ZBTB49: variants seen among roughly 807,000 people sequenced by gnomAD.
ZBTB49 encodes zinc finger and BTB domain containing 49.
ZBTB49 carries 43 observed loss-of-function variants against 57.5 expected under a neutral mutation model. The observed-to-expected ratio is 0.75, with a 90% CI of 0.59 to 0.97. ZBTB49 has a LOEUF of 0.97. ZBTB49 is among the 50% of genes least tolerant of loss of function. ZBTB49 has a pLI of 0.00. For synonymous variants in ZBTB49, 369 were observed against 362.1 expected, an observed-to-expected ratio of 1.02 and a Z score of -0.22; for missense variants, 938 against 947.7, an observed-to-expected ratio of 0.99 and a Z score of 0.13.
intron 4 of ZBTB49, among the ~76,000 whole-genome samples, chr4:4,311,580 C>A (rs1168319223): frequency 2.0e-5 from 3 of 152,180 alleles, no homozygotes; most frequent in Non-Finnish European, 4.4e-5. Context: ...CTGGCCCCAC[C>A]ATGTAACTGA....
At chr4:4,319,091 C>G (rs1721307413) in intron 7 of ZBTB49, among the ~76,000 whole-genome samples, 1 of 151,870 alleles carries the variant, frequency 6.6e-6, no homozygotes, top group Non-Finnish European at 1.5e-5. Context: ...CAGGGTCTCA[C>G]TATGTTGCCT....
At chr4:4,292,243 T>C (rs1460105821) in intron 1 of ZBTB49, among the ~76,000 whole-genome samples, 1 of 152,142 alleles carries the variant, frequency 6.6e-6, no homozygotes, top group Non-Finnish European at 1.5e-5. Context: ...AGCACACCAC[T>C]CCACTCCAGC....
intron 2 of ZBTB49, among the ~76,000 whole-genome samples, chr4:4,300,977 A>G (rs1720448060): frequency 6.6e-6 from 1 of 152,158 alleles, no homozygotes; most frequent in African/African-American, 2.4e-5. Context: ...TGAATCATCA[A>G]ATTGAGTCTC....
At chr4:4,309,798 C>T (rs1334853767) in intron 4 of ZBTB49, among the ~76,000 whole-genome samples, 1 of 152,222 alleles carries the variant, frequency 6.6e-6, no homozygotes, top group Admixed American at 6.5e-5. Flanking sequence ...CAAGCTATTA[C>T]ATTGTCATCT....
At position 4,321,595 on chromosome 4, in the gene ZBTB49, G is replaced by C. The variant is rs531105994; in HGVS notation, c.*279G>C. 5 of 501,938 alleles carry C rather than the reference G, an allele frequency of 1.0e-5. No homozygotes were observed. The highest frequency in any genetic ancestry group is 7.7e-5 in the African/African-American group (4 of 51,936). The allele number at this position is 501,938 out of a possible 1,614,324, so 31.1% of individuals were successfully genotyped here. Reference sequence around the variant, plus strand: ...GCAGCCTCAGCTGTGGGGGGGAAGCGCGTGTGCATCGTGTCAACTACTGTA... The same window carrying C: ...GCAGCCTCAGCTGTGGGGGGGAAGCCCGTGTGCATCGTGTCAACTACTGTA... On this transcript the variant is annotated 3_prime_UTR_variant, in exon 8 of 8. Coordinates refer to ENST00000337872, the MANE Select transcript of ZBTB49 (RefSeq NM_145291.4).
Position 4,320,764 on chromosome 4 carries a change from G to A in ZBTB49, c.1746G>A (p.Lys582=), listed in dbSNP as rs780689787. ...FTRSAVLRRH[K]KMHCKAGDES... is the part of the protein sequence containing the mutation. Reference sequence around the variant, plus strand: ...GCTCTGCGGTGCTCCGGCGGCACAAGAAGATGCACTGCAAAGCTGGTGACG... The same window carrying A: ...GCTCTGCGGTGCTCCGGCGGCACAAAAAGATGCACTGCAAAGCTGGTGACG... The change falls in exon 8 of 8, where the codon AAG becomes AAA. Residue 582 remains lysine, a synonymous_variant. Coordinates refer to ENST00000337872, the MANE Select transcript of ZBTB49 (RefSeq NM_145291.4). The A allele has an allele frequency of 3.1e-6, 5 of 1,614,130 alleles. No individual in the cohort carries two copies. The highest frequency in any genetic ancestry group is 1.3e-5 in the African/African-American group (1 of 74,938).
intron 1 of ZBTB49, among the ~76,000 whole-genome samples, chr4:4,293,663 A>C (rs4689240): frequency 0.4 from 60,880 of 152,078 alleles, 14,143 homozygotes; most frequent in Middle Eastern, 0.55. Context: ...CTTCAATTCT[A>C]TGTGGTGTCA....
At chr4:4,301,932 A>G (rs1577234851) in intron 2 of ZBTB49, 57 bp from the exon 3 acceptor site, 6 of 1,397,846 alleles carry the variant, frequency 4.3e-6, no homozygotes, top group Non-Finnish European at 5.6e-6. Context: ...TGTTATTTAT[A>G]AGAAAAAGAT....
In ZBTB49 at chr4:4,312,727, C is replaced by T. The variant is rs540619036; in HGVS notation, c.1303-314C>T. Among the ~76,000 whole-genome samples, 19 of 152,306 alleles carry T rather than the reference C, an allele frequency of 1.2e-4. No individual in the cohort carries two copies. In the South Asian group the frequency reaches 3.9e-3, roughly 32 times the overall value. ...AGGCCTATTTAAAGTCCAGGCTTGG[C>T]GACCACCAAAGCAGCCTCCACAGGG... On this transcript the variant is annotated intron_variant, in intron 4 of 7. Coordinates refer to ENST00000337872, the MANE Select transcript of ZBTB49 (RefSeq NM_145291.4).
chr4:4,312,246 A>C (rs1220482649), intron 4 of ZBTB49, among the ~76,000 whole-genome samples: 1 of 152,212 alleles, frequency 6.6e-6, no homozygotes, highest in East Asian at 1.9e-4. Context: ...TATTAACTTA[A>C]TTACAGCAAT....
chr4:4,310,732 G>C (rs1720952711), intron 4 of ZBTB49, among the ~76,000 whole-genome samples: 1 of 151,020 alleles, frequency 6.6e-6, no homozygotes, highest in East Asian at 1.9e-4. Flanking sequence ...TGTTAGCCAG[G>C]ATGGTCTCGA....
At chr4:4,295,488 A>G (rs1720151927) in intron 1 of ZBTB49, among the ~76,000 whole-genome samples, 1 of 152,236 alleles carries the variant, frequency 6.6e-6, no homozygotes, top group Non-Finnish European at 1.5e-5. Context: ...ATCAGATATG[A>G]TATGCTTAGC....
chr4:4,303,365 C>G (rs1175656386), intron 3 of ZBTB49, among the ~76,000 whole-genome samples: 1 of 152,078 alleles, frequency 6.6e-6, no homozygotes, highest in Non-Finnish European at 1.5e-5. Flanking sequence ...CCATCTGTCT[C>G]TAAAGAAAGT....
intron 7 of ZBTB49, among the ~76,000 whole-genome samples, chr4:4,318,679 C>T (rs995947220): frequency 1.3e-5 from 2 of 152,142 alleles, no homozygotes; most frequent in African/African-American, 4.8e-5. Context: ...AAGCAGCCAC[C>T]GTGTGCAGCA....
At position 4,315,985 on chromosome 4, in the gene ZBTB49, C is replaced by T. The variant is rs778062065; in HGVS notation, c.1621+15C>T. 4 of 1,612,964 alleles carry T rather than the reference C, an allele frequency of 2.5e-6. No homozygotes were observed. Among genetic ancestry groups the T allele is most frequent in the Admixed American group, 1.7e-5 (1 of 59,990 alleles). ...CTCTGCCTGCGGTGAGTTTGGGTTT[C>T]TGGCTGTCCCCTAGTCATCTGTGTG... On this transcript the variant is annotated intron_variant, in intron 7 of 7. Transcript: ENST00000337872.
rs922740685 is a variant in ZBTB49, at chr4:4,306,317, A to T, written c.1302+133A>T. 12 of 731,184 alleles carry T rather than the reference A, an allele frequency of 1.6e-5. No homozygotes were observed. The African/African-American group carries it at 2.2e-4, about 13-fold the overall frequency. The allele number at this position is 731,184 out of a possible 1,614,324, so 45.3% of individuals were successfully genotyped here. On this transcript the variant is annotated intron_variant, in intron 4 of 7. Transcript: ENST00000337872. ...TCTGTAACTTAAAGACTTCAGAATA[A>T]ATTAGGATAAATCGTTTTCAAGAAA...
At chr4:4,318,655 C>A (rs1721283963) in intron 7 of ZBTB49, among the ~76,000 whole-genome samples, 1 of 152,156 alleles carries the variant, frequency 6.6e-6, no homozygotes, top group Admixed American at 6.5e-5. Context: ...TATGCTAGAG[C>A]AGCAAACAGT....
At chr4:4,314,218 A>G (rs1721097279) in intron 5 of ZBTB49, among the ~76,000 whole-genome samples, 2 of 152,210 alleles carry the variant, frequency 1.3e-5, no homozygotes, top group Non-Finnish European at 2.9e-5. Flanking sequence ...GCCCAGTGTC[A>G]TCTGCCGCTC....
chr4:4,296,791 G>C (rs1436723974), intron 1 of ZBTB49, among the ~76,000 whole-genome samples: 6 of 152,168 alleles, frequency 3.9e-5, no homozygotes, highest in Non-Finnish European at 5.9e-5. Flanking sequence ...ACCCTGTTTT[G>C]CTTTGTTTTC....
Sources: gnomAD v4.1 joint callset for allele counts (sites outside exome capture counted in the v4.1 genomes callset) on GRCh38, gnomAD v4.1.1 for gene constraint, MANE v1.5 for transcripts, NCBI Gene and HGNC (gene_info 2026-07-23, HGNC 2026-07-21) for gene names.